Variants in MXI1 observed in about 807,000 individuals in gnomAD.
MXI1 encodes max-interacting protein 1.
In MXI1, 18 loss-of-function variants were observed where a neutral mutation model predicts 36.9. The observed-to-expected ratio is 0.49, with a 90% CI of 0.34 to 0.72. MXI1 has a LOEUF of 0.72. MXI1 is among the 30% of genes least tolerant of loss of function. The pLI is 0.01. For synonymous variants in MXI1, 160 were observed against 146.7 expected (o/e 1.09, Z -0.65); for missense variants, 304 against 379.1 (o/e 0.80, Z 1.64).
intron 5 of MXI1, among the ~76,000 whole-genome samples, chr10:110,281,073 A>G (rs773352419): frequency 6.6e-6 from 1 of 152,018 alleles, no homozygotes; most frequent in Non-Finnish European, 1.5e-5. Context: ...TGTTTTTAGG[A>G]CTCTGATTTT....
chr10:110,244,983 G>C, intron 3 of MXI1, 126 bp downstream of exon 3: 1 of 857,466 alleles, frequency 1.2e-6, no homozygotes, highest in Non-Finnish European at 1.8e-6. Context: ...AGCCCATTGT[G>C]AATCTGATAT....
At chr10:110,215,164 C>T (rs1396556552) in intron 1 of MXI1, among the ~76,000 whole-genome samples, 3 of 151,684 alleles carry the variant, frequency 2.0e-5, no homozygotes. Flanking sequence ...GCCTCAGCCT[C>T]CCAAGTAGCT....
intron 3 of MXI1, among the ~76,000 whole-genome samples, chr10:110,274,142 G>C (rs1187724671): frequency 2.6e-5 from 4 of 152,190 alleles, no homozygotes; most frequent in Non-Finnish European, 4.4e-5. Flanking sequence ...TACAGAGTTT[G>C]AAATCAAAAG....
At chr10:110,272,540 A>G (rs1439477884) in intron 3 of MXI1, among the ~76,000 whole-genome samples, 4 of 152,148 alleles carry the variant, frequency 2.6e-5, no homozygotes, top group Admixed American at 2.6e-4. Context: ...TATATAGCCT[A>G]TGCTAAGAAC....
chr10:110,222,793 G>A lies in MXI1; in HGVS notation c.275-5396G>A, dbSNP rs150728739. Among the ~76,000 whole-genome samples, 10 of 152,270 alleles carry A rather than the reference G, an allele frequency of 6.6e-5. No homozygotes were observed. In the South Asian group the frequency reaches 1.7e-3, roughly 25 times the overall value. On this transcript the variant is annotated intron_variant, in intron 1 of 5. Coordinates refer to ENST00000332674, the MANE Select transcript of MXI1 (RefSeq NM_130439.3). Reference sequence around the variant, plus strand: ...GCTATGGCTGCCTCTGGGTTCCTCCGGGCTGAGACTGTTGCTGAGGGATGG... The same window carrying A: ...GCTATGGCTGCCTCTGGGTTCCTCCAGGCTGAGACTGTTGCTGAGGGATGG...
chr10:110,269,912 G>A (rs1173798951), intron 3 of MXI1, among the ~76,000 whole-genome samples: 1 of 152,136 alleles, frequency 6.6e-6, no homozygotes, highest in Non-Finnish European at 1.5e-5. Context: ...GGGGCTGCCA[G>A]AATAGAGATG....
chr10:110,262,201 T>C (rs1856537096), intron 3 of MXI1, among the ~76,000 whole-genome samples: 1 of 152,142 alleles, frequency 6.6e-6, no homozygotes, highest in Non-Finnish European at 1.5e-5. Context: ...ATATACAGAC[T>C]TTTTCCCTGT....
intron 2 of MXI1, among the ~76,000 whole-genome samples, chr10:110,228,615 C>T (rs950232): frequency 0.54 from 81,843 of 151,868 alleles, 25,817 homozygotes; most frequent in African/African-American, 0.85. Context: ...TAAAAGTAAT[C>T]GTGGGCTGGC....
At chr10:110,212,182 G>C (rs1854531692) in intron 1 of MXI1, among the ~76,000 whole-genome samples, 1 of 152,208 alleles carries the variant, frequency 6.6e-6, no homozygotes, top group Non-Finnish European at 1.5e-5. Context: ...GATGAGAGTA[G>C]AAAGCCATAA....
At chr10:110,227,251 G>A in intron 1 of MXI1, 1 of 772,226 alleles carries the variant, frequency 1.3e-6, no homozygotes, top group Non-Finnish European at 1.5e-6. Context: ...GGGGGGAGGG[G>A]CGTGTGCGGG....
chr10:110,248,937 A>G (rs1590369970), intron 3 of MXI1, among the ~76,000 whole-genome samples: 1 of 152,300 alleles, frequency 6.6e-6, no homozygotes, highest in East Asian at 1.9e-4. Flanking sequence ...GGCAAAAAAC[A>G]AAAATACTGG....
intron 3 of MXI1, among the ~76,000 whole-genome samples, chr10:110,264,646 C>T (rs575796514): frequency 5.3e-5 from 8 of 152,170 alleles, no homozygotes; most frequent in East Asian, 1.9e-4. Context: ...TGAGCCACCA[C>T]GCCCGTCCTA....
chr10:110,243,370 T>C (rs1235144987), intron 2 of MXI1, among the ~76,000 whole-genome samples: 2 of 152,100 alleles, frequency 1.3e-5, no homozygotes, highest in Non-Finnish European at 2.9e-5. Context: ...ATGAAATTAC[T>C]CATGAAGCAA....
chr10:110,232,338 A>G (rs968596016), intron 2 of MXI1, among the ~76,000 whole-genome samples: 3 of 152,048 alleles, frequency 2.0e-5, no homozygotes, highest in Middle Eastern at 3.4e-3. Context: ...ATCTTTGCAT[A>G]CTTTCTGTTC....
Position 110,232,187 on chromosome 10 carries a change from C to G in MXI1, c.407+3866C>G, listed in dbSNP as rs182465540. Among the ~76,000 whole-genome samples the G allele has an allele frequency of 1.9e-4, 29 of 152,314 alleles. No homozygotes were observed. The East Asian group carries it at 5.4e-3, about 28-fold the overall frequency. On this transcript the variant is annotated intron_variant, in intron 2 of 5. Coordinates refer to ENST00000332674, the MANE Select transcript of MXI1 (RefSeq NM_130439.3). The stretch of plus-strand genomic sequence containing the variant: ...GTGTTAGCCAGGATGGTCTCAATCT[C>G]CTGACCTCATGAACCGCCCGGCTTG...
intron 3 of MXI1, among the ~76,000 whole-genome samples, chr10:110,247,693 C>T (rs1855921565): frequency 6.6e-6 from 1 of 152,110 alleles, no homozygotes; most frequent in South Asian, 2.1e-4. Context: ...AGTCAGGAAA[C>T]AACAGATGCT....
chr10:110,226,470 A>T (rs941848663), intron 1 of MXI1: 3 of 25,866 alleles, frequency 1.2e-4, no homozygotes, highest in Non-Finnish European at 1.5e-4. Context: ...GCGTGTGGGG[A>T]GGGGAGCGCG....
intron 2 of MXI1, among the ~76,000 whole-genome samples, chr10:110,229,280 C>T (rs1855173579): frequency 6.6e-6 from 1 of 152,138 alleles, no homozygotes; most frequent in Non-Finnish European, 1.5e-5. Flanking sequence ...TTCTGTTTCC[C>T]AGAGCTTTGT....
At chr10:110,218,802 A>G (rs1022152939) in intron 1 of MXI1, among the ~76,000 whole-genome samples, 17 of 152,162 alleles carry the variant, frequency 1.1e-4, no homozygotes, top group African/African-American at 3.9e-4. Context: ...CCGAGCTTGT[A>G]GGGCAACTGG....
Sources: allele counts gnomAD v4.1 joint callset (sites outside exome capture counted in the v4.1 genomes callset), GRCh38; gene constraint gnomAD v4.1.1; transcripts MANE v1.5; gene names NCBI Gene and HGNC (gene_info 2026-07-23, HGNC 2026-07-21).